Variants in TOP6BL observed in about 807,000 individuals in gnomAD.
The protein encoded by TOP6BL is TOP6B like initiator of meiotic double strand breaks.
the TOP6BL span, chr11:66,839,241 T>C: frequency 2.2e-6 from 1 of 455,026 alleles, no homozygotes; most frequent in African/African-American, 2.0e-5. Flanking sequence ...GTACTAATGC[T>C]CTTAGTTCTC....
At chr11:66,771,083 C>T in the TOP6BL span, among the ~76,000 whole-genome samples, 53 of 151,608 alleles carry the variant, frequency 3.5e-4, no homozygotes, top group African/African-American at 1.2e-3. Context: ...TTCAAATTAC[C>T]TGACACTCAA....
At chr11:66,791,271 T>C in the TOP6BL span, among the ~76,000 whole-genome samples, 133 of 152,334 alleles carry the variant, frequency 8.7e-4, 2 homozygotes, top group South Asian at 0.026. Context: ...GTTTTGTGTT[T>C]ATGCCCACAG....
the TOP6BL span, among the ~76,000 whole-genome samples, chr11:66,747,413 A>G: frequency 6.7e-6 from 1 of 149,536 alleles, no homozygotes; most frequent in Non-Finnish European, 1.5e-5. Context: ...TTTTTTTAGT[A>G]GAGATGGGGC....
At chr11:66,829,172 A>T in the TOP6BL span, among the ~76,000 whole-genome samples, 7 of 151,370 alleles carry the variant, frequency 4.6e-5, no homozygotes, top group Non-Finnish European at 1.0e-4. Context: ...GATCACTTGA[A>T]GCCAGGAGTA....
the TOP6BL span, among the ~76,000 whole-genome samples, chr11:66,827,967 A>AG: frequency 1.5e-5 from 1 of 67,686 alleles, no homozygotes; most frequent in Non-Finnish European, 3.1e-5. Flanking sequence ...TCTGTCTCAG[A>AG]AAAAAAAAAA....
chr11:66,796,188 ATAGT>A, the TOP6BL span: 9 of 924,468 alleles, frequency 9.7e-6, no homozygotes, highest in Middle Eastern at 2.2e-4. Flanking sequence ...TTTCTGAGGT[ATAGT>A]TACTTTTAGA....
the TOP6BL span, among the ~76,000 whole-genome samples, chr11:66,803,471 C>T: frequency 6.6e-6 from 1 of 152,168 alleles, no homozygotes; most frequent in Non-Finnish European, 1.5e-5. Context: ...CTCTGTTGCT[C>T]AGGCTGGAGT....
chr11:66,762,965 G>A, the TOP6BL span, among the ~76,000 whole-genome samples: 1 of 152,222 alleles, frequency 6.6e-6, no homozygotes, highest in Admixed American at 6.5e-5. Flanking sequence ...AGCACTTCGG[G>A]AGGACAAGAT....
the TOP6BL span, among the ~76,000 whole-genome samples, chr11:66,780,622 C>T: frequency 6.6e-6 from 1 of 152,078 alleles, no homozygotes; most frequent in Non-Finnish European, 1.5e-5. Context: ...CTCTCTCACC[C>T]AGGCCGGAGT....
chr11:66,766,296 G>A, the TOP6BL span, among the ~76,000 whole-genome samples: 1 of 151,966 alleles, frequency 6.6e-6, no homozygotes, highest in Non-Finnish European at 1.5e-5. Flanking sequence ...TTTTTCTCTG[G>A]ATCTGGAATA....
the TOP6BL span, among the ~76,000 whole-genome samples, chr11:66,829,337 A>AG: frequency 7.4e-4 from 113 of 152,278 alleles, 4 homozygotes; most frequent in South Asian, 0.022. Context: ...GCACTTTGGG[A>AG]GGCCAAGGTA....
chr11:66,795,448 C>A, the TOP6BL span, among the ~76,000 whole-genome samples: 1 of 151,838 alleles, frequency 6.6e-6, no homozygotes, highest in Non-Finnish European at 1.5e-5. Flanking sequence ...ATTGCAGGCG[C>A]ATGCCACCAC....
chr11:66,824,892 T>C, the TOP6BL span, among the ~76,000 whole-genome samples: 6 of 152,172 alleles, frequency 3.9e-5, no homozygotes, highest in African/African-American at 1.4e-4. Context: ...TTGTGAATAG[T>C]GCCGCAATAA....
the TOP6BL span, among the ~76,000 whole-genome samples, chr11:66,836,534 T>G: frequency 6.7e-6 from 1 of 149,640 alleles, no homozygotes; most frequent in Non-Finnish European, 1.5e-5. Context: ...TTAAATTGGT[T>G]TGTTAAATTA....
the TOP6BL span, chr11:66,843,228 G>C: frequency 1.2e-6 from 2 of 1,609,444 alleles, no homozygotes; most frequent in Non-Finnish European, 1.7e-6. Context: ...CCAGCCCTGG[G>C]CCCTGAGCCG....
chr11:66,792,569 GGA>G, the TOP6BL span, among the ~76,000 whole-genome samples: 1 of 152,198 alleles, frequency 6.6e-6, no homozygotes. Flanking sequence ...TGTGGACTTT[GGA>G]GTTAGTCAGC....
chr11:66,780,839 C>G, the TOP6BL span, among the ~76,000 whole-genome samples: 1 of 152,142 alleles, frequency 6.6e-6, no homozygotes, highest in Non-Finnish European at 1.5e-5. Flanking sequence ...ACTTTGGCCT[C>G]CCAAAGTGCT....
At chr11:66,776,740 T>C in the TOP6BL span, among the ~76,000 whole-genome samples, 2 of 151,922 alleles carry the variant, frequency 1.3e-5, no homozygotes, top group South Asian at 4.1e-4. Context: ...TATGAATGAG[T>C]GCTGTATTTC....
At chr11:66,843,494 G>C in the TOP6BL span, 4 of 1,482,018 alleles carry the variant, frequency 2.7e-6, no homozygotes, top group Non-Finnish European at 2.7e-6. Context: ...GACTGCTGTC[G>C]GTGTCGCGGC....
Sources: gnomAD v4.1 joint callset for allele counts (sites outside exome capture counted in the v4.1 genomes callset) on GRCh38, gnomAD v4.1.1 for gene constraint, MANE v1.5 for transcripts, NCBI Gene and HGNC (gene_info 2026-07-23, HGNC 2026-07-21) for gene names.